The following KHDRBS2 variants were observed in gnomAD, a reference collection of about 807,000 sequenced individuals.
The protein encoded by KHDRBS2 is KH domain-containing, RNA-binding, signal transduction-associated protein 2.
Under a neutral mutation model 44.3 loss-of-function variants are expected in KHDRBS2, and 26 were observed. The observed-to-expected ratio is 0.59, with a 90% CI of 0.43 to 0.81. The LOEUF is 0.81. Among genes scored for constraint, KHDRBS2 ranks in the 40% least tolerant of loss-of-function variants. KHDRBS2 has a pLI of 0.00. For missense variants in KHDRBS2, 476 were observed against 433.1 expected (o/e 1.10, Z -0.88); for synonymous variants, 194 against 151.1 (o/e 1.28, Z -2.08).
chr6:62,200,336 T>G (rs1205104012), intron 1 of KHDRBS2, among the ~76,000 whole-genome samples: 3 of 152,126 alleles, frequency 2.0e-5, no homozygotes, highest in Admixed American at 2.0e-4. Flanking sequence ...AATCTACTCA[T>G]CTGACAAAGG....
At position 61,773,582 on chromosome 6, in the gene KHDRBS2, A is replaced by G. The variant is rs527944248; in HGVS notation, c.811-40818T>C. On this transcript the variant is annotated intron_variant, in intron 6 of 8. Transcript: ENST00000281156. The stretch of plus-strand genomic sequence containing the variant: ...GAGTAGGTTGCAAAAATTTTCTCCC[A>G]TTTTGTAGGTTGCCTGTTCACTCTG... Among the ~76,000 whole-genome samples the G allele has an allele frequency of 2.7e-3, 394 of 147,872 alleles. 2 individuals carry two copies. The highest frequency in any genetic ancestry group is 8.4e-3 in the African/African-American group (336 of 39,954).
At chr6:61,816,126 A>G (rs972990650) in intron 6 of KHDRBS2, among the ~76,000 whole-genome samples, 8 of 152,268 alleles carry the variant, frequency 5.3e-5, no homozygotes, top group African/African-American at 1.9e-4. Flanking sequence ...AAATAATTAC[A>G]CATAGTGCTT....
chr6:61,935,372 A>C (rs1810839238), intron 4 of KHDRBS2, among the ~76,000 whole-genome samples: 1 of 152,178 alleles, frequency 6.6e-6, no homozygotes, highest in African/African-American at 2.4e-5. Flanking sequence ...AAAGAGAAAT[A>C]ATGGCTAAGG....
At chr6:61,600,258 A>G in the KHDRBS2 span, among the ~76,000 whole-genome samples, 1 of 152,144 alleles carries the variant, frequency 6.6e-6, no homozygotes, top group Admixed American at 6.5e-5. Flanking sequence ...GATAGCCTGA[A>G]GTAACTGAAA....
intron 4 of KHDRBS2, among the ~76,000 whole-genome samples, chr6:61,937,124 C>G (rs965565049): frequency 6.6e-6 from 1 of 151,834 alleles, no homozygotes; most frequent in Admixed American, 6.6e-5. Flanking sequence ...GTGCTGCATT[C>G]TGGTCATCTT....
At chr6:61,986,859 C>G (rs1357812449) in intron 3 of KHDRBS2, among the ~76,000 whole-genome samples, 6 of 152,160 alleles carry the variant, frequency 3.9e-5, no homozygotes, top group Non-Finnish European at 7.3e-5. Context: ...CTCATCTAAA[C>G]TTAATTACCC....
At chr6:62,041,077 T>G (rs1355636405) in intron 3 of KHDRBS2, among the ~76,000 whole-genome samples, 1 of 152,126 alleles carries the variant, frequency 6.6e-6, no homozygotes, top group Non-Finnish European at 1.5e-5. Flanking sequence ...ACACTTGTAA[T>G]CCCAGCACTT....
intron 2 of KHDRBS2, among the ~76,000 whole-genome samples, chr6:62,144,432 T>G (rs757220568): frequency 1.2e-4 from 18 of 151,992 alleles, no homozygotes; most frequent in Non-Finnish European, 2.1e-4. Flanking sequence ...TAACTCTTCC[T>G]AACCTCATGT....
chr6:62,254,749 A>G (rs1285601882), intron 1 of KHDRBS2, among the ~76,000 whole-genome samples: 1 of 152,058 alleles, frequency 6.6e-6, no homozygotes, highest in Admixed American at 6.6e-5. Context: ...AGGACACTGG[A>G]TTTCATTCTA....
intron 3 of KHDRBS2, among the ~76,000 whole-genome samples, chr6:62,038,922 C>T (rs1327985283): frequency 6.6e-6 from 1 of 151,870 alleles, no homozygotes; most frequent in Non-Finnish European, 1.5e-5. Flanking sequence ...ATTAAAATTA[C>T]CCATTAATTA....
chr6:61,916,286 C>T (rs1450995078), intron 4 of KHDRBS2, among the ~76,000 whole-genome samples: 1 of 151,984 alleles, frequency 6.6e-6, no homozygotes, highest in African/African-American at 2.4e-5. Flanking sequence ...ACAGAGAATT[C>T]TATTCTCAAA....
chr6:62,271,602 T>C (rs1246949586), intron 1 of KHDRBS2, among the ~76,000 whole-genome samples: 1 of 152,120 alleles, frequency 6.6e-6, no homozygotes, highest in African/African-American at 2.4e-5. Context: ...CTATGTGTTA[T>C]TGCCCCTGAA....
intron 4 of KHDRBS2, among the ~76,000 whole-genome samples, chr6:61,951,794 A>C (rs930300133): frequency 1.3e-5 from 2 of 152,084 alleles, no homozygotes; most frequent in Admixed American, 1.3e-4. Context: ...ACCTCAAGTG[A>C]CATCAGTGTC....
chr6:61,675,034 G>T (rs1297803124), downstream of KHDRBS2, among the ~76,000 whole-genome samples: 2 of 151,652 alleles, frequency 1.3e-5, no homozygotes, highest in African/African-American at 2.4e-5. Flanking sequence ...CTCTATTTAT[G>T]CAAGAAATGT....
At chr6:61,930,247 A>AATAAAT (rs1382876935) in intron 4 of KHDRBS2, among the ~76,000 whole-genome samples, 2 of 152,102 alleles carry the variant, frequency 1.3e-5, no homozygotes, top group Non-Finnish European at 2.9e-5. Flanking sequence ...GACAATGAGA[A>AATAAAT]ATAAATTTTT....
chr6:61,899,399 G>A (rs563036706), intron 5 of KHDRBS2, among the ~76,000 whole-genome samples: 47 of 151,764 alleles, frequency 3.1e-4, no homozygotes, highest in Non-Finnish European at 6.0e-4. Context: ...GTACAGCATT[G>A]GAAGTGAAAT....
At chr6:61,579,862 A>G in the KHDRBS2 span, among the ~76,000 whole-genome samples, 41 of 107,512 alleles carry the variant, frequency 3.8e-4, no homozygotes, top group African/African-American at 1.5e-3. Flanking sequence ...GTTTGAGACC[A>G]CCCTGACCAA....
At chr6:61,543,562 G>C in the KHDRBS2 span, among the ~76,000 whole-genome samples, 4 of 151,782 alleles carry the variant, frequency 2.6e-5, no homozygotes, top group East Asian at 7.8e-4. Context: ...ACTAAAAACA[G>C]AGCTACCATA....
chr6:62,094,222 G>T (rs1337615529), intron 2 of KHDRBS2, among the ~76,000 whole-genome samples: 1 of 151,570 alleles, frequency 6.6e-6, no homozygotes, highest in Non-Finnish European at 1.5e-5. Flanking sequence ...TTTTGTAATA[G>T]TATCCATTCT....
Sources: allele counts gnomAD v4.1 joint callset (sites outside exome capture counted in the v4.1 genomes callset), GRCh38; gene constraint gnomAD v4.1.1; transcripts MANE v1.5; gene names NCBI Gene and HGNC (gene_info 2026-07-23, HGNC 2026-07-21).